The following CCDC171 variants were observed in gnomAD, a reference collection of about 807,000 sequenced individuals.
CCDC171 encodes the protein coiled-coil domain-containing protein 171.
In CCDC171, 177 loss-of-function variants were observed where a neutral mutation model predicts 168.2. That is an observed-to-expected ratio of 1.05 (90% CI 0.93 to 1.19). The LOEUF (loss-of-function observed/expected upper bound fraction) is 1.19, where lower values mean the gene tolerates loss of function less well. Among genes scored for constraint, CCDC171 ranks in the 50% most tolerant of loss-of-function variants. The probability of loss-of-function intolerance (pLI) is 0.00; values close to 1 mark genes in which losing one functional copy is unlikely to be tolerated. For missense variants in CCDC171, 1,991 were observed against 1,539.0 expected, an observed-to-expected ratio of 1.29 and a Z score of -4.91; for synonymous variants, 687 against 540.8, an observed-to-expected ratio of 1.27 and a Z score of -3.75.
intron 10 of CCDC171, among the ~76,000 whole-genome samples, chr9:15,685,429 C>A (rs959231093): frequency 6.6e-6 from 1 of 151,918 alleles, no homozygotes; most frequent in Non-Finnish European, 1.5e-5. Context: ...AGTTTGAGAC[C>A]AGCCTGAGCA....
chr9:15,947,289 G>A (rs900246933), intron 25 of CCDC171, among the ~76,000 whole-genome samples: 7 of 151,876 alleles, frequency 4.6e-5, no homozygotes, highest in Non-Finnish European at 8.8e-5. Flanking sequence ...AAAAGCTTAT[G>A]TTATGACATC....
Position 15,564,071 on chromosome 9 carries a change from A to G in CCDC171, c.-18A>G. ...CATTAAGAAATAGCAGGGTATTTTG[A>G]AAGAGTTGGAAAACATCATGAATTT... On this transcript the variant is annotated 5_prime_UTR_variant, in exon 2 of 26. An upstream open reading frame in the 5' UTR loses its in-frame stop. Coordinates refer to ENST00000380701, the MANE Select transcript of CCDC171 (RefSeq NM_173550.4). 1 of 1,592,310 alleles carries G rather than the reference A, an allele frequency of 6.3e-7. No individual in the cohort carries two copies. The highest frequency in any genetic ancestry group is 8.6e-7 in the Non-Finnish European group (1 of 1,164,152).
chr9:15,604,456 A>G (rs1404636620), intron 6 of CCDC171, among the ~76,000 whole-genome samples: 2 of 152,224 alleles, frequency 1.3e-5, no homozygotes, highest in East Asian at 1.9e-4. Context: ...CATTTAGAAG[A>G]TGAATATATA....
At chr9:15,791,354 A>G (rs1012968217) in intron 21 of CCDC171, among the ~76,000 whole-genome samples, 12 of 151,918 alleles carry the variant, frequency 7.9e-5, no homozygotes, top group African/African-American at 2.9e-4. Context: ...ATTCTCTTTG[A>G]AGCAATTGTG....
chr9:16,019,085 C>G (rs1277131867), intron 3 of CCDC171, among the ~76,000 whole-genome samples: 1 of 152,176 alleles, frequency 6.6e-6, no homozygotes. Context: ...ATTAACAGTT[C>G]CTTTCAAAGT....
chr9:15,628,972 T>C (rs544025701), intron 7 of CCDC171, among the ~76,000 whole-genome samples: 88 of 152,334 alleles, frequency 5.8e-4, no homozygotes, highest in African/African-American at 2.0e-3. Flanking sequence ...CTGAGGGTCC[T>C]GTCTGTTAGA....
intron 21 of CCDC171, among the ~76,000 whole-genome samples, chr9:15,824,883 A>T (rs146007839): frequency 4.2e-4 from 64 of 152,244 alleles, no homozygotes; most frequent in Non-Finnish European, 6.8e-4. Context: ...GTCATTATCT[A>T]CATGGCTTTA....
intron 11 of CCDC171, among the ~76,000 whole-genome samples, chr9:15,704,770 A>G (rs1157912314): frequency 1.3e-5 from 2 of 152,180 alleles, no homozygotes; most frequent in Non-Finnish European, 2.9e-5. Flanking sequence ...CAGTAAGTCC[A>G]AGACGTTCCA....
At chr9:15,878,592 C>T (rs1818172401) in intron 24 of CCDC171, among the ~76,000 whole-genome samples, 1 of 152,106 alleles carries the variant, frequency 6.6e-6, no homozygotes, top group African/African-American at 2.4e-5. Flanking sequence ...AAGCTGAAAA[C>T]AGAACTACCA....
chr9:15,823,698 G>T (rs2059894305), intron 21 of CCDC171, among the ~76,000 whole-genome samples: 1 of 151,968 alleles, frequency 6.6e-6, no homozygotes, highest in African/African-American at 2.4e-5. Flanking sequence ...TTCCCTTTGG[G>T]CCCTTCACAG....
In CCDC171 at chr9:15,679,975, A is replaced by G. The variant is rs551594780; in HGVS notation, c.1215+1079A>G. On this transcript the variant is annotated intron_variant, in intron 10 of 25. Transcript: ENST00000380701. ...ACATCCTGTGATGCCCAGCTCTGAT[A>G]TCTTGCAATCTGTGAAGCTTTCTGT... is the stretch of plus-strand genomic sequence containing the variant. 1.2e-4 allele frequency among the ~76,000 whole-genome samples: 18 copies of G among 152,240 alleles called. No homozygotes were observed. In the South Asian group the frequency reaches 2.1e-3, roughly 18 times the overall value.
At chr9:15,971,517 G>T in intron 25 of CCDC171, 92 bp from the exon 26 acceptor site, 4 of 722,060 alleles carry the variant, frequency 5.5e-6, no homozygotes, top group East Asian at 2.5e-5. Flanking sequence ...ATATTATAAT[G>T]ATTATTAGTC....
At chr9:15,687,407 C>T (rs756159050) in intron 10 of CCDC171, among the ~76,000 whole-genome samples, 14 of 139,180 alleles carry the variant, frequency 1.0e-4, no homozygotes, top group Non-Finnish European at 2.0e-4. Context: ...GCCTGGGCAA[C>T]ACAGCGAGAC....
chr9:16,006,521 G>C (rs1374762215), intron 3 of CCDC171, among the ~76,000 whole-genome samples: 1 of 152,048 alleles, frequency 6.6e-6, no homozygotes, highest in African/African-American at 2.4e-5. Flanking sequence ...ATGTTGGTGT[G>C]CTGCACCCAT....
intron 23 of CCDC171, among the ~76,000 whole-genome samples, chr9:15,872,958 T>C (rs1817370952): frequency 6.6e-6 from 1 of 152,074 alleles, no homozygotes; most frequent in South Asian, 2.1e-4. Flanking sequence ...AGCATTCTTA[T>C]CCTGAGTGAA....
intron 24 of CCDC171, among the ~76,000 whole-genome samples, chr9:15,880,684 C>A (rs1172506462): frequency 1.3e-5 from 2 of 149,350 alleles, no homozygotes; most frequent in Non-Finnish European, 3.0e-5. Flanking sequence ...CCGTGTTGGC[C>A]AGGCTGGTCT....
chr9:15,717,708 A>G (rs1309389784), intron 11 of CCDC171, among the ~76,000 whole-genome samples: 2 of 152,224 alleles, frequency 1.3e-5, no homozygotes, highest in Non-Finnish European at 2.9e-5. Context: ...TAGCTCCCAG[A>G]TGACATTTCT....
intron 7 of CCDC171, among the ~76,000 whole-genome samples, chr9:15,650,145 A>G (rs966265174): frequency 6.6e-6 from 1 of 152,218 alleles, no homozygotes; most frequent in Non-Finnish European, 1.5e-5. Flanking sequence ...AAACTATTGC[A>G]AGGACAAAAA....
rs1201595402 is a variant in CCDC171 at position 15,695,241 on chromosome 9, A to T, written c.1222A>T (p.Lys408Ter). Reference protein sequence around the residue: ...ELQEELVMAKKHQAFLVETCE... With the variant: ...ELQEELVMAK ...TTTTTTTCTTAATTAAAAGGCTAAG[A>T]AGCACCAGGCCTTCCTAGTAGAGAC... The change falls in exon 11 of 26, where the codon AAG becomes TAG. Residue 408 changes from lysine to a stop codon, truncating the protein, a stop_gained. Transcript: ENST00000380701. LOFTEE classifies it high-confidence loss of function. The T allele has an allele frequency of 7.4e-6, 12 of 1,613,312 alleles. No individual in the cohort carries two copies. The highest frequency in any genetic ancestry group is 9.3e-6 in the Non-Finnish European group (11 of 1,179,226).
Sources: gnomAD v4.1 joint callset for allele counts (sites outside exome capture counted in the v4.1 genomes callset) on GRCh38, gnomAD v4.1.1 for gene constraint, MANE v1.5 for transcripts, NCBI Gene and HGNC (gene_info 2026-07-23, HGNC 2026-07-21) for gene names.